Variants in SPATA7 observed in about 807,000 individuals in gnomAD.
The protein encoded by SPATA7 is spermatogenesis-associated protein 7.
SPATA7 carries 43 observed loss-of-function variants against 51.8 expected under a neutral mutation model. The observed-to-expected ratio is 0.83, with a 90% CI of 0.65 to 1.07. The LOEUF (loss-of-function observed/expected upper bound fraction) is 1.07, where lower values mean the gene tolerates loss of function less well. SPATA7 is among the 50% of genes least tolerant of loss of function. The probability of loss-of-function intolerance (pLI) is 0.00; values close to 1 mark genes in which losing one functional copy is unlikely to be tolerated. For missense variants in SPATA7, 683 were observed against 701.3 expected, an observed-to-expected ratio of 0.97 and a Z score of 0.30; for synonymous variants, 230 against 252.8, an observed-to-expected ratio of 0.91 and a Z score of 0.86.
At chr14:88,460,694 CT>C (rs1455752949) in intron 4 of SPATA7, among the ~76,000 whole-genome samples, 11 of 152,268 alleles carry the variant, frequency 7.2e-5, no homozygotes, top group African/African-American at 2.4e-4. Context: ...CGTCTGAAGC[CT>C]TCTTCTCTCA....
intron 10 of SPATA7, 106 bp from the exon 11 acceptor site, chr14:88,437,437 C>A (rs1365975905): frequency 2.4e-6 from 2 of 829,442 alleles, no homozygotes; most frequent in Non-Finnish European, 4.0e-6. Flanking sequence ...AAAGAAAAAT[C>A]TGAAAAACAT....
chr14:88,442,410 A>T (rs1020975300), downstream of SPATA7, among the ~76,000 whole-genome samples: 1 of 152,072 alleles, frequency 6.6e-6, no homozygotes, highest in Non-Finnish European at 1.5e-5. Context: ...GGGTTTCACC[A>T]TGTGGGCCAT....
rs369170423 is a variant in SPATA7 at position 88,431,209 on chromosome 14, C to G, written c.1066C>G (p.Arg356Gly). ...CQYSLKPPST[R>G]KIYSDEEELL... is the part of the protein sequence containing the mutation. ...GTATTCCCTGAAGCCCCCTTCAACT[C>G]GTAAAATCTACTCTGAGTAAGATCT... The change falls in exon 9 of 12, where the codon CGT (arginine) becomes GGT (glycine). Residue 356 changes from arginine to glycine, a missense_variant. By Grantham distance (125) the Arg-to-Gly change is moderately radical. Coordinates refer to ENST00000393545, the MANE Select transcript of SPATA7 (RefSeq NM_018418.5). 6.2e-7 allele frequency: 1 copy of G among 1,613,532 alleles called. No individual in the cohort carries two copies. Among genetic ancestry groups the G allele is most frequent in the East Asian group, 2.2e-5 (1 of 44,826 alleles).
intron 5 of SPATA7, among the ~76,000 whole-genome samples, chr14:88,421,082 C>T (rs1315641814): frequency 2.6e-5 from 4 of 152,042 alleles, no homozygotes; most frequent in African/African-American, 9.7e-5. Context: ...CCACTGCACT[C>T]CAGCCTGGTG....
exon 5 of SPATA7, chr14:88,470,067 T>G (rs1468835726): frequency 6.2e-7 from 1 of 1,608,830 alleles, no homozygotes. Context: ...TTAGAAAAGG[T>G]TAAAAAAATT....
Position 88,426,353 on chromosome 14 carries a change from G to T in SPATA7, c.494G>T (p.Ser165Ile), listed in dbSNP as rs17124662. Residue 165 changes from serine to isoleucine, a missense_variant, in exon 6 of 12, where the codon AGT becomes ATT. Physicochemically the swap from Ser to Ile is moderately radical, Grantham distance 142 (BLOSUM62 -2). Coordinates refer to ENST00000393545, the MANE Select transcript of SPATA7 (RefSeq NM_018418.5). ...ERLHLSLHKS[S>I]KVITNGPEKN... ...CTACACCTAAGTCTACATAAATCCAGTAAAGTCATCACAAATGGTCCTGAG... is the reference window on the plus strand; with the variant it reads ...CTACACCTAAGTCTACATAAATCCATTAAAGTCATCACAAATGGTCCTGAG... The T allele has an allele frequency of 6.2e-7, 1 of 1,614,058 alleles. No individual in the cohort carries two copies. Among genetic ancestry groups the T allele is most frequent in the South Asian group, 1.1e-5 (1 of 91,074 alleles).
chr14:88,466,699 C>T (rs1203891897), intron 4 of SPATA7: 2 of 152,180 alleles, frequency 1.3e-5, no homozygotes, highest in Admixed American at 1.3e-4. Context: ...CTCAGCCTGG[C>T]TCTGTCTATT....
At chr14:88,445,317 A>T (rs1431983339) in intron 3 of SPATA7, among the ~76,000 whole-genome samples, 2 of 150,672 alleles carry the variant, frequency 1.3e-5, no homozygotes, top group African/African-American at 4.9e-5. Context: ...AATGCTTGTG[A>T]TTTTTGTACA....
downstream of SPATA7, among the ~76,000 whole-genome samples, chr14:88,459,254 T>C (rs914723437): frequency 6.6e-6 from 1 of 152,240 alleles, no homozygotes; most frequent in African/African-American, 2.4e-5. Flanking sequence ...GGTGCAGAGC[T>C]GAGTTCAATT....
intron 8 of SPATA7, among the ~76,000 whole-genome samples, chr14:88,430,662 A>G (rs1484891954): frequency 2.0e-5 from 3 of 152,292 alleles, no homozygotes; most frequent in African/African-American, 7.2e-5. Context: ...GTAGTTTTAA[A>G]AAGAATTGTG....
intron 4 of SPATA7, among the ~76,000 whole-genome samples, chr14:88,402,752 A>C (rs1481120456): frequency 6.6e-6 from 1 of 152,156 alleles, no homozygotes; most frequent in African/African-American, 2.4e-5. Flanking sequence ...CTGGGCAATA[A>C]TATTTTTGGA....
intron 4 of SPATA7, chr14:88,414,553 A>G: frequency 3.8e-6 from 1 of 259,988 alleles, no homozygotes; most frequent in South Asian, 3.7e-5. Flanking sequence ...TCTCAATTTC[A>G]ATTATTTCTG....
intron 5 of SPATA7, among the ~76,000 whole-genome samples, chr14:88,417,413 TCTC>T (rs989947160): frequency 4.6e-5 from 7 of 151,460 alleles, no homozygotes; most frequent in African/African-American, 1.5e-4. Context: ...TTGAAACAAT[TCTC>T]CTCCCTCAGC....
chr14:88,431,391 C>T (rs2076936290), intron 9 of SPATA7, among the ~76,000 whole-genome samples, 166 bp downstream of exon 9: 1 of 152,112 alleles, frequency 6.6e-6, no homozygotes, highest in South Asian at 2.1e-4. Flanking sequence ...GATACATATA[C>T]TGTACAGTGA....
downstream of SPATA7, among the ~76,000 whole-genome samples, chr14:88,456,254 G>A (rs1445190373): frequency 6.6e-6 from 1 of 152,106 alleles, no homozygotes; most frequent in Non-Finnish European, 1.5e-5. Flanking sequence ...TGGGGTGGCT[G>A]GGTCAAATGA....
intron 5 of SPATA7, among the ~76,000 whole-genome samples, chr14:88,422,434 AT>A (rs1254389990): frequency 6.6e-6 from 1 of 151,988 alleles, no homozygotes; most frequent in Non-Finnish European, 1.5e-5. Context: ...ATTTTTAGTG[AT>A]TGTACTTTTT....
At chr14:88,465,912 C>T (rs2077355769) in intron 4 of SPATA7, 2 of 151,578 alleles carry the variant, frequency 1.3e-5, no homozygotes, top group Non-Finnish European at 1.5e-5. Context: ...TAATTTTGCC[C>T]TCAGAAGTTT....
downstream of SPATA7, among the ~76,000 whole-genome samples, chr14:88,455,535 A>G (rs115050102): frequency 3.7e-3 from 570 of 152,350 alleles, 6 homozygotes; most frequent in African/African-American, 0.013. Context: ...TTTCACATAT[A>G]TAACATTTAA....
chr14:88,469,983 T>C lies in SPATA7; in HGVS notation c.*116T>C. The C allele has an allele frequency of 1.2e-6, 2 of 1,613,876 alleles. No individual in the cohort carries two copies. Among genetic ancestry groups the C allele is most frequent in the Non-Finnish European group, 1.7e-6 (2 of 1,179,794 alleles). ...CTGTTCCCATACCATCTGCCAAAAA[T>C]CTTGACAGGTATTCTGTAATGGTCC... On this transcript the variant is annotated 3_prime_UTR_variant, in exon 5 of 5. Transcript: ENST00000556406. This position sits in a 1 kb window ranked among gnomAD's most constrained non-coding sequence, Gnocchi z 4.3.
Sources: allele counts gnomAD v4.1 joint callset (sites outside exome capture counted in the v4.1 genomes callset), GRCh38; gene constraint gnomAD v4.1.1; non-coding constraint Gnocchi (gnomAD v3.1); transcripts MANE v1.5; gene names NCBI Gene and HGNC (gene_info 2026-07-23, HGNC 2026-07-21).